The following ILF2 variants were observed in gnomAD, a reference collection of about 807,000 sequenced individuals.
The protein encoded by ILF2 is interleukin enhancer binding factor 2, also known as interleukin enhancer-binding factor 2.
Under a neutral mutation model 55.3 loss-of-function variants are expected in ILF2, and 9 were observed. The observed-to-expected ratio is 0.16, with a 90% CI of 0.10 to 0.28. ILF2 has a LOEUF of 0.28. Ranked by LOEUF, ILF2 falls within the 10% of genes least tolerant of loss-of-function variation. The pLI is 1.00. For synonymous variants in ILF2, 151 were observed against 161.8 expected (o/e 0.93, Z 0.50); for missense variants, 266 against 474.9 (o/e 0.56, Z 4.09).
At chr1:153,663,956 T>TTACTACTAC (rs10598064) in intron 10 of ILF2, 87 bp downstream of exon 10, 206 of 423,118 alleles carry the variant, frequency 4.9e-4, no homozygotes, top group South Asian at 2.7e-3. Flanking sequence ...AATTTCAGAG[T>TTACTACTAC]TACTACTACT....
intron 11 of ILF2, 24 bp downstream of exon 11, chr1:153,663,190 AC>A (rs1669217592): frequency 1.2e-6 from 2 of 1,614,038 alleles, no homozygotes; most frequent in Non-Finnish European, 1.7e-6. Flanking sequence ...TTTACAACCA[AC>A]CCTAAACCCA....
intron 8 of ILF2, 97 bp from the exon 9 acceptor site, chr1:153,664,571 G>A: frequency 1.0e-6 from 1 of 952,740 alleles, no homozygotes; most frequent in African/African-American, 1.6e-5. Flanking sequence ...AAGGAGGGCA[G>A]GATAGACGGA....
At chr1:153,665,145 A>C (rs1669275552) in intron 8 of ILF2, 75 bp downstream of exon 8, 1 of 887,540 alleles carries the variant, frequency 1.1e-6, no homozygotes, top group Non-Finnish European at 1.9e-6. Flanking sequence ...CAACAAGCTA[A>C]GTAAACTAAA....
chr1:153,664,303 A>C, intron 9 of ILF2, 93 bp downstream of exon 9: 1 of 1,184,622 alleles, frequency 8.4e-7, no homozygotes, highest in Non-Finnish European at 1.3e-6. Flanking sequence ...GGTCACAGGC[A>C]AAATAGTTCT....
At chr1:153,667,808 T>C in intron 5 of ILF2, 151 bp from the exon 6 acceptor site, 2 of 684,478 alleles carry the variant, frequency 2.9e-6, no homozygotes, top group Non-Finnish European at 5.1e-6. Flanking sequence ...GAAAGCCTGA[T>C]ACATCACAGC....
intron 6 of ILF2, among the ~76,000 whole-genome samples, chr1:153,666,964 A>C (rs1669323194): frequency 1.3e-5 from 2 of 152,270 alleles, no homozygotes; most frequent in East Asian, 3.9e-4. Flanking sequence ...TCTACTAAAA[A>C]TAGAAAAATT....
At chr1:153,667,520 G>T in intron 6 of ILF2, 35 bp downstream of exon 6, 1 of 1,383,280 alleles carries the variant, frequency 7.2e-7, no homozygotes, top group Non-Finnish European at 1.0e-6. Context: ...CAAGTGCTAT[G>T]TTCTGTTCCC....
intron 3 of ILF2, 168 bp from the exon 4 acceptor site, chr1:153,668,725 C>T: frequency 1.3e-6 from 1 of 778,940 alleles, no homozygotes; most frequent in Non-Finnish European, 2.0e-6. Flanking sequence ...ACCTGTAATC[C>T]CAGCTACTTG....
chr1:153,667,170 A>G (rs1326256817), intron 6 of ILF2: 1 of 290,612 alleles, frequency 3.4e-6, no homozygotes, highest in African/African-American at 2.2e-5. Context: ...TTCTCACAAG[A>G]AATTTGAGCT....
chr1:153,670,572 C>A (rs1418739992), intron 1 of ILF2, among the ~76,000 whole-genome samples: 1 of 152,180 alleles, frequency 6.6e-6, no homozygotes, highest in Non-Finnish European at 1.5e-5. Context: ...GGCCTTCGCA[C>A]TGAGGATGAA....
rs150049196 is a variant in ILF2, at chr1:153,670,791, G to C, written c.5+127C>G. On this transcript the variant is annotated intron_variant, in intron 1 of 13. Coordinates refer to ENST00000361891, the MANE Select transcript of ILF2 (RefSeq NM_004515.4). ...CATCTCTCCCACTATCCTAGACCAG[G>C]AGTTCTCAGGTTTTTGGCCAGCCCC... is the stretch of plus-strand genomic sequence containing the variant. The C allele has an allele frequency of 3.3e-4, 356 of 1,089,166 alleles. 4 individuals are homozygous for C. The East Asian group carries it at 6.9e-3, about 21-fold the overall frequency. 67.5% of individuals were successfully genotyped at this position (1,089,166 alleles called of 1,614,324 possible). A position where few individuals can be genotyped will look rare whatever the true frequency, so the allele number is the denominator to read the frequency against.
intron 6 of ILF2, among the ~76,000 whole-genome samples, chr1:153,666,286 CA>C (rs2101714762): frequency 6.6e-6 from 1 of 152,296 alleles, no homozygotes; most frequent in Non-Finnish European, 1.5e-5. Flanking sequence ...CAGGTTCAAG[CA>C]ACTCTCCTGC....
chr1:153,667,641 C>T lies in ILF2; in HGVS notation c.308G>A (p.Arg103Gln). Reference sequence around the variant, plus strand: ...CCCCTTTTTATAGGATCCCACCTGTCGAACTTCTTCAATTTGCTGTTGGAA... The same window carrying T: ...CCCCTTTTTATAGGATCCCACCTGTTGAACTTCTTCAATTTGCTGTTGGAA... ...GTFEVQIEEV[R>Q]QVGSYKKGTM... The change falls in exon 6 of 14, where the codon CGA becomes CAA. Residue 103 changes from arginine to glutamine, a missense_variant. Arg to Gln is a conservative substitution (Grantham distance 43). Coordinates refer to ENST00000361891, the MANE Select transcript of ILF2 (RefSeq NM_004515.4). The T allele has an allele frequency of 6.3e-7, 1 of 1,593,610 alleles. No individual in the cohort carries two copies. The highest frequency in any genetic ancestry group is 8.5e-7 in the Non-Finnish European group (1 of 1,171,626).
Position 153,662,390 on chromosome 1 carries a change from G to A in ILF2, c.*6C>T, listed in dbSNP as rs1669192997. On this transcript the variant is annotated 3_prime_UTR_variant, in exon 14 of 14. Transcript: ENST00000361891. ...CCCTTGGGTAGGAAAAGGAGTGAAG[G>A]GAATGTCACTCCTGAGTTTCCATGC... is the stretch of plus-strand genomic sequence containing the variant. 1 of 1,613,732 alleles carries A rather than the reference G, an allele frequency of 6.2e-7. No homozygotes were observed. Among genetic ancestry groups the A allele is most frequent in the African/African-American group, 1.3e-5 (1 of 74,904 alleles).
rs1669189203 is a variant in ILF2, at chr1:153,662,288, T to C, written c.*108A>G. ...CTTCTATGGAGTTTACTTTTCTTCC[T>C]GCTATCTTCCCTATCCCACGGAAAT... is the stretch of plus-strand genomic sequence containing the variant. On this transcript the variant is annotated 3_prime_UTR_variant, in exon 14 of 14. Transcript: ENST00000361891. 7.2e-7 allele frequency: 1 copy of C among 1,393,206 alleles called. No homozygotes were observed. Among genetic ancestry groups the C allele is most frequent in the Non-Finnish European group, 9.8e-7 (1 of 1,019,698 alleles). The allele number at this position is 1,393,206 out of a possible 1,614,324, so 86.3% of individuals were successfully genotyped here. A position where few individuals can be genotyped will look rare whatever the true frequency, so the allele number is the denominator to read the frequency against.
intron 13 of ILF2, 21 bp downstream of exon 13, chr1:153,662,682 CCT>C: frequency 6.2e-7 from 1 of 1,605,744 alleles, no homozygotes. Flanking sequence ...ATACAAAACC[CCT>C]GACCCACAGT....
intron 5 of ILF2, 102 bp downstream of exon 5, chr1:153,667,898 G>T: frequency 1.2e-6 from 1 of 840,858 alleles, no homozygotes; most frequent in Non-Finnish European, 1.9e-6. Flanking sequence ...TTTTAGGCTT[G>T]GCTTTGGATA....
chr1:153,663,072 G>C lies in ILF2; in HGVS notation c.868C>G (p.Pro290Ala). The change falls in exon 12 of 14, where the codon CCC (proline) becomes GCC (alanine). Residue 290 changes from proline (P) to alanine (A), a missense_variant. Physicochemically the swap from Pro to Ala is conservative, Grantham distance 27. Coordinates refer to ENST00000361891, the MANE Select transcript of ILF2 (RefSeq NM_004515.4). ...ACTCTAAAGTTGCCACTCTCACAGG[G>C]GTCAGTGATACCCACTGAACCTGGC... is the stretch of plus-strand genomic sequence containing the variant. The part of the protein sequence containing the change: ...FLPGSVGITD[P>A]CESGNFRVHT... 1.2e-6 allele frequency: 2 copies of C among 1,614,086 alleles called. No homozygotes were observed. The highest frequency in any genetic ancestry group is 1.7e-6 in the Non-Finnish European group (2 of 1,180,012).
intron 8 of ILF2, 21 bp from the exon 9 acceptor site, chr1:153,664,495 T>A: frequency 1.3e-6 from 2 of 1,583,898 alleles, no homozygotes; most frequent in Non-Finnish European, 1.7e-6. Context: ...AAGCATGATA[T>A]GCCAGGATGA....
Sources: allele counts gnomAD v4.1 joint callset (sites outside exome capture counted in the v4.1 genomes callset), GRCh38; gene constraint gnomAD v4.1.1; transcripts MANE v1.5; gene names NCBI Gene and HGNC (gene_info 2026-07-23, HGNC 2026-07-21).